The following CDH8 variants were observed in gnomAD, a reference collection of about 807,000 sequenced individuals.
CDH8 encodes cadherin-8.
CDH8 carries 17 observed loss-of-function variants against 68.1 expected under a neutral mutation model. That is an observed-to-expected ratio of 0.25 (90% CI 0.17 to 0.37). The LOEUF is 0.37. Ranked by LOEUF, CDH8 falls within the 10% of genes least tolerant of loss-of-function variation. CDH8 has a pLI of 1.00. For synonymous variants in CDH8, 372 were observed against 365.1 expected, an observed-to-expected ratio of 1.02 and a Z score of -0.21; for missense variants, 763 against 999.3, an observed-to-expected ratio of 0.76 and a Z score of 3.19.
chr16:61,719,620 T>C (rs1959202235), intron 9 of CDH8, among the ~76,000 whole-genome samples: 1 of 151,114 alleles, frequency 6.6e-6, no homozygotes, highest in African/African-American at 2.4e-5. Context: ...GTTTTCCACA[T>C]AGCTTAGAAG....
At chr16:62,023,192 A>G (rs1366964556) in intron 1 of CDH8, among the ~76,000 whole-genome samples, 1 of 152,150 alleles carries the variant, frequency 6.6e-6, no homozygotes. Flanking sequence ...AAACCCCCAA[A>G]TATTTGTATC....
At chr16:62,001,027 A>T (rs1269478150) in intron 2 of CDH8, among the ~76,000 whole-genome samples, 1 of 152,196 alleles carries the variant, frequency 6.6e-6, no homozygotes, top group Non-Finnish European at 1.5e-5. Context: ...TGACTTTCCA[A>T]GGTCAAATAA....
intron 8 of CDH8, among the ~76,000 whole-genome samples, chr16:61,768,711 G>T (rs1485254797): frequency 6.6e-6 from 1 of 151,464 alleles, no homozygotes; most frequent in African/African-American, 2.4e-5. Flanking sequence ...TCCATACCAA[G>T]AATCCTAATA....
chr16:61,973,771 T>C (rs1475998077), intron 2 of CDH8, among the ~76,000 whole-genome samples: 1 of 152,260 alleles, frequency 6.6e-6, no homozygotes, highest in Non-Finnish European at 1.5e-5. Context: ...AGTCTCCAGT[T>C]ACCGATTAAA....
chr16:61,747,889 C>T (rs188218441), intron 8 of CDH8, among the ~76,000 whole-genome samples: 1 of 152,152 alleles, frequency 6.6e-6, no homozygotes, highest in East Asian at 1.9e-4. Flanking sequence ...TGGTGGTCTC[C>T]TTGACATCGC....
intron 10 of CDH8, among the ~76,000 whole-genome samples, chr16:61,671,597 G>T (rs1963796816): frequency 6.6e-6 from 1 of 152,028 alleles, no homozygotes; most frequent in South Asian, 2.1e-4. Context: ...ATATCTTTGG[G>T]CAGAAGTCTT....
intron 10 of CDH8, among the ~76,000 whole-genome samples, chr16:61,713,310 G>A (rs1032821167): frequency 6.6e-6 from 1 of 151,610 alleles, no homozygotes; most frequent in African/African-American, 2.4e-5. Flanking sequence ...CAATAAATCA[G>A]TTCATATTAG....
intron 2 of CDH8, among the ~76,000 whole-genome samples, chr16:61,920,171 A>G (rs1964334583): frequency 7.0e-6 from 1 of 142,500 alleles, no homozygotes; most frequent in Non-Finnish European, 1.5e-5. Context: ...CCTAGGCATT[A>G]CCATTCAGGA....
intron 7 of CDH8, among the ~76,000 whole-genome samples, chr16:61,795,779 G>A (rs115091552): frequency 1.2e-3 from 181 of 152,034 alleles, no homozygotes; most frequent in African/African-American, 3.5e-3. Flanking sequence ...TCTATACCAG[G>A]GTTTACTGTT....
At chr16:61,901,508 C>A in intron 2 of CDH8, 35 bp from the exon 3 acceptor site, 1 of 1,523,030 alleles carries the variant, frequency 6.6e-7, no homozygotes, top group Non-Finnish European at 8.9e-7. Flanking sequence ...AGTGATGGAG[C>A]AATCTGAAAA....
At chr16:61,931,104 G>A (rs1964533326) in intron 2 of CDH8, among the ~76,000 whole-genome samples, 1 of 152,102 alleles carries the variant, frequency 6.6e-6, no homozygotes, top group Non-Finnish European at 1.5e-5. Flanking sequence ...AGATATAAAC[G>A]TACAGTAACA....
In CDH8 at chr16:61,996,673, C is replaced by CA. The variant is rs2150593293; in HGVS notation, c.252+24478dup. Among the ~76,000 whole-genome samples, 3 of 152,240 alleles carry CA rather than the reference C, an allele frequency of 2.0e-5. No individual in the cohort carries two copies. In the South Asian group the frequency reaches 6.2e-4, roughly 32 times the overall value. ...AATTAATAAAATGATTTTCAAAACA[C>CA]AAATTAAATTATATTATATCAATCA... On this transcript the variant is annotated intron_variant, in intron 2 of 11. Transcript: ENST00000577390.
At position 62,021,227 on chromosome 16, in the gene CDH8, G is replaced by T; in HGVS notation, c.177C>A (p.Ser59=). The T allele has an allele frequency of 6.2e-7, 1 of 1,613,984 alleles. No individual in the cohort carries two copies. Among genetic ancestry groups the T allele is most frequent in the Non-Finnish European group, 8.5e-7 (1 of 1,179,944 alleles). ...LGEEQRILNR[S]KRGWVWNQMF... is the part of the protein sequence containing the mutation. ...TTTGATTCCAAACCCAGCCTCTTTTGGAGCGGTTCAAAATTCGCTGTTCTT... is the reference window on the plus strand; with the variant it reads ...TTTGATTCCAAACCCAGCCTCTTTTTGAGCGGTTCAAAATTCGCTGTTCTT... The change falls in exon 2 of 12, where the codon TCC becomes TCA. Residue 59 remains serine (S), a synonymous_variant. Transcript: ENST00000577390.
At chr16:61,812,381 G>A (rs1961971026) in intron 7 of CDH8, among the ~76,000 whole-genome samples, 1 of 152,170 alleles carries the variant, frequency 6.6e-6, no homozygotes, top group Admixed American at 6.5e-5. Context: ...GGACAACACA[G>A]CACTGTGGCC....
In CDH8 at chr16:61,789,406, T is replaced by C; in HGVS notation, c.1354A>G (p.Thr452Ala). Residue 452 changes from threonine to alanine, a missense_variant, in exon 8 of 12, where the codon ACA becomes GCA. Coordinates refer to ENST00000577390, the MANE Select transcript of CDH8 (RefSeq NM_001796.5). ...ACACTTAATTCTCTGTCAAGTGGTG[T>C]TGCCAGCGTTATCTTCCCATCGTCT... ...NADDGKITLA[T>A]PLDRELSVWH... is the part of the protein sequence containing the mutation. 1.2e-6 allele frequency: 2 copies of C among 1,613,224 alleles called. No individual in the cohort carries two copies. Among genetic ancestry groups the C allele is most frequent in the Non-Finnish European group, 1.7e-6 (2 of 1,179,394 alleles).
intron 2 of CDH8, among the ~76,000 whole-genome samples, chr16:61,966,246 A>T (rs1262797179): frequency 6.6e-6 from 1 of 152,200 alleles, no homozygotes; most frequent in Non-Finnish European, 1.5e-5. Context: ...TATCAATAAA[A>T]AATAGAATGT....
At chr16:61,974,430 A>G (rs994540302) in intron 2 of CDH8, among the ~76,000 whole-genome samples, 1 of 152,158 alleles carries the variant, frequency 6.6e-6, no homozygotes, top group African/African-American at 2.4e-5. Flanking sequence ...GCTGGCTCAC[A>G]TAAATGAGGC....
chr16:61,661,617 T>C (rs757861904), intron 10 of CDH8, among the ~76,000 whole-genome samples: 2 of 151,830 alleles, frequency 1.3e-5, no homozygotes, highest in Non-Finnish European at 2.9e-5. Flanking sequence ...TTTATAGCTT[T>C]AAATATCTGT....
At chr16:61,929,713 C>A (rs184703879) in intron 2 of CDH8, among the ~76,000 whole-genome samples, 1 of 151,892 alleles carries the variant, frequency 6.6e-6, no homozygotes, top group Admixed American at 6.6e-5. Context: ...ATAAGCTGAC[C>A]CCATCTCCAC....
Sources: allele counts gnomAD v4.1 joint callset (sites outside exome capture counted in the v4.1 genomes callset), GRCh38; gene constraint gnomAD v4.1.1; transcripts MANE v1.5; gene names NCBI Gene and HGNC (gene_info 2026-07-23, HGNC 2026-07-21).